TBC1D5: variants seen among roughly 807,000 people sequenced by gnomAD.
TBC1D5 encodes the protein TBC1 domain family member 5.
TBC1D5 carries 75 observed loss-of-function variants against 100.3 expected under a neutral mutation model. The observed-to-expected ratio is 0.75, with a 90% confidence interval of 0.62 to 0.91. The LOEUF is 0.91. Ranked by LOEUF, TBC1D5 falls within the 40% of genes least tolerant of loss-of-function variation. The pLI, the probability that TBC1D5 is intolerant of heterozygous loss-of-function variation, is 0.00. For missense variants in TBC1D5, 910 were observed against 942.4 expected, an observed-to-expected ratio of 0.97 and a Z score of 0.45; for synonymous variants, 323 against 325.6, an observed-to-expected ratio of 0.99 and a Z score of 0.09.
At chr3:17,267,078 A>C (rs1030274321) in intron 15 of TBC1D5, among the ~76,000 whole-genome samples, 11 of 152,176 alleles carry the variant, frequency 7.2e-5, no homozygotes, top group Non-Finnish European at 1.3e-4. Flanking sequence ...CAGATGGCAG[A>C]GAAGCATTTT....
At chr3:17,452,068 A>C (rs538563306) in intron 3 of TBC1D5, among the ~76,000 whole-genome samples, 2 of 152,344 alleles carry the variant, frequency 1.3e-5, no homozygotes, top group South Asian at 4.1e-4. Context: ...GTTTGTTTAC[A>C]CAATCAGTGT....
intron 13 of TBC1D5, among the ~76,000 whole-genome samples, chr3:17,364,895 T>C (rs1364823299): frequency 1.3e-5 from 2 of 152,214 alleles, no homozygotes; most frequent in Admixed American, 1.3e-4. Context: ...GGTATTGTAC[T>C]CTATATGATT....
chr3:17,289,999 C>T (rs2081560781), intron 15 of TBC1D5, among the ~76,000 whole-genome samples: 1 of 152,242 alleles, frequency 6.6e-6, no homozygotes, highest in South Asian at 2.1e-4. Flanking sequence ...AAAGGCTACA[C>T]AGCTTTCTTT....
intron 13 of TBC1D5, 36 bp downstream of exon 13, chr3:17,372,039 A>AAAAC (rs11272495): frequency 1.4e-4 from 215 of 1,505,074 alleles, no homozygotes; most frequent in African/African-American, 1.3e-3. Context: ...TCTGTCTCAA[A>AAAAC]AAACAAACAA....
chr3:17,531,993 A>T (rs983659502), intron 2 of TBC1D5, among the ~76,000 whole-genome samples: 201 of 152,320 alleles, frequency 1.3e-3, no homozygotes, highest in African/African-American at 4.6e-3. Context: ...ATGGGATCTA[A>T]TTAAACTAAA....
intron 2 of TBC1D5, among the ~76,000 whole-genome samples, chr3:17,540,838 C>G (rs1576599920): frequency 7.5e-6 from 1 of 133,966 alleles, no homozygotes; most frequent in African/African-American, 2.9e-5. Flanking sequence ...ACCCAGGAGG[C>G]AGAGGCTGCA....
chr3:17,704,481 C>A (rs1422551826), intron 1 of TBC1D5, among the ~76,000 whole-genome samples: 172 of 141,418 alleles, frequency 1.2e-3, no homozygotes, highest in African/African-American at 4.3e-3. Context: ...GGGCTCCTCA[C>A]TTCCCAGTAG....
chr3:17,363,906 T>A (rs1374843165), intron 13 of TBC1D5, among the ~76,000 whole-genome samples: 1 of 152,048 alleles, frequency 6.6e-6, no homozygotes, highest in Non-Finnish European at 1.5e-5. Flanking sequence ...GTATGTTAAA[T>A]TTTTTAAACC....
At chr3:17,183,971 A>C (rs1333565705) in intron 19 of TBC1D5, among the ~76,000 whole-genome samples, 2 of 152,222 alleles carry the variant, frequency 1.3e-5, no homozygotes, top group African/African-American at 4.8e-5. Context: ...CACATTGGCC[A>C]TTTCCATGAG....
intron 1 of TBC1D5, among the ~76,000 whole-genome samples, chr3:17,698,658 A>G (rs1237807671): frequency 1.3e-5 from 2 of 148,244 alleles, no homozygotes; most frequent in African/African-American, 2.5e-5. Flanking sequence ...ACAAAGGGCT[A>G]ATATCCAGAA....
chr3:17,255,304 G>T (rs1238629272), intron 16 of TBC1D5, among the ~76,000 whole-genome samples: 1 of 152,052 alleles, frequency 6.6e-6, no homozygotes, highest in Non-Finnish European at 1.5e-5. Context: ...GGGTTCCAGC[G>T]TTTCTACTGC....
intron 20 of TBC1D5, 80 bp downstream of exon 21, chr3:17,167,669 A>T (rs879676174): frequency 2.5e-5 from 32 of 1,304,000 alleles, no homozygotes; most frequent in Non-Finnish European, 3.3e-5. Context: ...TGGCTCTAAC[A>T]TCATGGTGCT....
intron 1 of TBC1D5, among the ~76,000 whole-genome samples, chr3:17,711,671 A>C (rs2074748565): frequency 6.6e-6 from 1 of 152,234 alleles, no homozygotes; most frequent in Admixed American, 6.5e-5. Flanking sequence ...TGTTTCTAAG[A>C]TAATCAATGT....
chr3:17,308,158 T>TC, intron 13 of TBC1D5, 24 bp from the exon 14 acceptor site: 1 of 1,560,994 alleles, frequency 6.4e-7, no homozygotes, highest in Non-Finnish European at 8.6e-7. Context: ...AAACAAAAAT[T>TC]CAGAAGACAG....
chr3:17,427,399 C>T (rs917722457), intron 4 of TBC1D5, among the ~76,000 whole-genome samples: 14 of 151,844 alleles, frequency 9.2e-5, no homozygotes, highest in Admixed American at 5.9e-4. Flanking sequence ...CAAGTGCCTC[C>T]TGTATAAAAG....
At chr3:17,669,974 C>T (rs532387750) in intron 1 of TBC1D5, among the ~76,000 whole-genome samples, 1 of 152,216 alleles carries the variant, frequency 6.6e-6, no homozygotes, top group Non-Finnish European at 1.5e-5. Context: ...CAACCTCCGC[C>T]TCCCGGGTTC....
At chr3:17,348,049 C>T (rs578175045) in intron 13 of TBC1D5, among the ~76,000 whole-genome samples, 4 of 152,200 alleles carry the variant, frequency 2.6e-5, no homozygotes, top group African/African-American at 9.6e-5. Flanking sequence ...CCACCTCATA[C>T]TTACAATATC....
At chr3:17,218,111 CT>C (rs2073870484) in intron 17 of TBC1D5, among the ~76,000 whole-genome samples, 1 of 152,040 alleles carries the variant, frequency 6.6e-6, no homozygotes, top group African/African-American at 2.4e-5. Flanking sequence ...AAAAAGACTA[CT>C]CTTTCCACAT....
intron 13 of TBC1D5, among the ~76,000 whole-genome samples, chr3:17,331,849 C>T (rs1048449482): frequency 2.0e-5 from 3 of 152,188 alleles, no homozygotes; most frequent in African/African-American, 7.2e-5. Context: ...GCAGGAACAG[C>T]TTGACGTGTT....
Sources: allele counts gnomAD v4.1 joint callset (sites outside exome capture counted in the v4.1 genomes callset), GRCh38; gene constraint gnomAD v4.1.1; transcripts MANE v1.5; gene names NCBI Gene and HGNC (gene_info 2026-07-23, HGNC 2026-07-21).